The following LRP1B variants were observed in gnomAD, a reference collection of about 807,000 sequenced individuals.
LRP1B encodes LDL receptor related protein 1B, also known as low-density lipoprotein receptor-related protein 1B.
LRP1B carries 217 observed loss-of-function variants against 556.6 expected under a neutral mutation model. The ratio of observed to expected loss-of-function variants is 0.39; its 90% CI spans 0.35 to 0.44. LRP1B has a LOEUF of 0.44. LRP1B is among the 20% of genes least tolerant of loss of function. LRP1B has a pLI of 1.00. For synonymous variants in LRP1B, 2,047 were observed against 1,865.8 expected, an observed-to-expected ratio of 1.10 and a Z score of -2.50; for missense variants, 5,053 against 5,620.8, an observed-to-expected ratio of 0.90 and a Z score of 3.23.
chr2:140,296,178 A>T (rs767942222), intron 84 of LRP1B, among the ~76,000 whole-genome samples: 2 of 152,202 alleles, frequency 1.3e-5, no homozygotes, highest in Non-Finnish European at 2.9e-5. Context: ...GGAAAATTTC[A>T]CACCTGACCT....
chr2:140,969,821 A>T (rs1201545464), intron 18 of LRP1B, among the ~76,000 whole-genome samples: 2 of 152,068 alleles, frequency 1.3e-5, no homozygotes, highest in Non-Finnish European at 2.9e-5. Context: ...TGGGTTGAAA[A>T]TTCTTTTAAG....
intron 2 of LRP1B, among the ~76,000 whole-genome samples, chr2:141,570,865 A>T (rs1292449954): frequency 1.3e-5 from 2 of 150,630 alleles, no homozygotes; most frequent in African/African-American, 4.8e-5. Context: ...AGGAACTCCA[A>T]TAACTCCCAG....
At chr2:140,915,910 C>T (rs1253957775) in intron 21 of LRP1B, among the ~76,000 whole-genome samples, 1 of 151,840 alleles carries the variant, frequency 6.6e-6, no homozygotes, top group Non-Finnish European at 1.5e-5. Context: ...CGCCTGTACT[C>T]CCAGCTACTT....
At chr2:140,819,810 AG>A (rs1691258367) in intron 31 of LRP1B, among the ~76,000 whole-genome samples, 1 of 152,190 alleles carries the variant, frequency 6.6e-6, no homozygotes, top group South Asian at 2.1e-4. Context: ...ACAAGGATAC[AG>A]AGAACTGGAT....
intron 1 of LRP1B, among the ~76,000 whole-genome samples, chr2:141,937,569 G>A (rs890163007): frequency 1.3e-5 from 2 of 151,502 alleles, no homozygotes; most frequent in Admixed American, 1.3e-4. Context: ...CCCAACAGAT[G>A]TATGTGTGTG....
chr2:140,423,112 C>T (rs1046409798), intron 66 of LRP1B, among the ~76,000 whole-genome samples: 14 of 152,080 alleles, frequency 9.2e-5, no homozygotes, highest in African/African-American at 1.9e-4. Context: ...AATTTAAGGC[C>T]GGCCTCACCA....
intron 41 of LRP1B, among the ~76,000 whole-genome samples, chr2:140,629,674 CA>C (rs1683808029): frequency 6.6e-6 from 1 of 152,072 alleles, no homozygotes; most frequent in South Asian, 2.1e-4. Flanking sequence ...TGTAAGTTTA[CA>C]AAAGCAAGCT....
At chr2:141,810,170 A>AAGTG (rs950534115) in intron 2 of LRP1B, 109 bp downstream of exon 2, 2 of 874,302 alleles carry the variant, frequency 2.3e-6, no homozygotes, top group Admixed American at 6.1e-5. Context: ...AGAAAGAAGG[A>AAGTG]AAGAAAGAAA....
chr2:140,436,157 T>C (rs1389718209), intron 66 of LRP1B, among the ~76,000 whole-genome samples: 1 of 152,146 alleles, frequency 6.6e-6, no homozygotes, highest in Non-Finnish European at 1.5e-5. Flanking sequence ...CTAATAATAG[T>C]ACAAAAAATC....
chr2:140,608,246 A>T (rs1682941106), intron 41 of LRP1B, among the ~76,000 whole-genome samples: 1 of 152,202 alleles, frequency 6.6e-6, no homozygotes, highest in Non-Finnish European at 1.5e-5. Flanking sequence ...CAATAGTTGT[A>T]TATATACAAA....
chr2:141,991,480 C>T (rs1266976114), intron 1 of LRP1B, among the ~76,000 whole-genome samples: 2 of 151,882 alleles, frequency 1.3e-5, no homozygotes, highest in African/African-American at 2.4e-5. Context: ...CAAAATAGTT[C>T]AATGTAAGCA....
At chr2:141,681,494 T>C (rs1467745637) in intron 2 of LRP1B, among the ~76,000 whole-genome samples, 1 of 141,984 alleles carries the variant, frequency 7.0e-6, no homozygotes, top group Non-Finnish European at 1.6e-5. Flanking sequence ...CATTCAATAA[T>C]TTATTTTTTT....
intron 2 of LRP1B, among the ~76,000 whole-genome samples, chr2:141,555,533 T>C (rs1685929828): frequency 6.6e-6 from 1 of 151,836 alleles, no homozygotes; most frequent in Admixed American, 6.6e-5. Context: ...TGAGTAAACA[T>C]GAAAATACTA....
At chr2:141,183,671 A>G (rs1681111694) in intron 7 of LRP1B, among the ~76,000 whole-genome samples, 1 of 152,032 alleles carries the variant, frequency 6.6e-6, no homozygotes, top group Non-Finnish European at 1.5e-5. Flanking sequence ...CATCCCACAC[A>G]GAAATAAGGG....
chr2:141,905,055 G>A (rs1041317974), intron 1 of LRP1B, among the ~76,000 whole-genome samples: 8 of 151,754 alleles, frequency 5.3e-5, no homozygotes, highest in African/African-American at 1.2e-4. Flanking sequence ...CGGCTAATTC[G>A]GAGATCAGAA....
chr2:140,699,305 A>G (rs1686546091), intron 41 of LRP1B, among the ~76,000 whole-genome samples: 1 of 152,088 alleles, frequency 6.6e-6, no homozygotes, highest in Admixed American at 6.6e-5. Flanking sequence ...AAATGAAAAA[A>G]GCAGTTAGCT....
intron 3 of LRP1B, among the ~76,000 whole-genome samples, chr2:141,468,834 T>C (rs1682341775): frequency 6.6e-6 from 1 of 152,176 alleles, no homozygotes; most frequent in South Asian, 2.1e-4. Flanking sequence ...AATTGCTCTT[T>C]AGGGCTTGTC....
intron 2 of LRP1B, among the ~76,000 whole-genome samples, chr2:141,733,892 T>C (rs1245329416): frequency 1.3e-5 from 2 of 152,142 alleles, no homozygotes; most frequent in East Asian, 3.9e-4. Flanking sequence ...GTGATGTATG[T>C]ACATAATTAT....
chr2:141,403,015 G>A (rs1213559819), intron 3 of LRP1B, among the ~76,000 whole-genome samples: 1 of 151,986 alleles, frequency 6.6e-6, no homozygotes, highest in African/African-American at 2.4e-5. Flanking sequence ...TTCTTGGTAT[G>A]AAGACATTGA....
Sources: allele counts gnomAD v4.1 joint callset (sites outside exome capture counted in the v4.1 genomes callset), GRCh38; gene constraint gnomAD v4.1.1; transcripts MANE v1.5; gene names NCBI Gene and HGNC (gene_info 2026-07-23, HGNC 2026-07-21).